ANK2: variants seen among roughly 807,000 people sequenced by gnomAD.
The protein encoded by ANK2 is ankyrin-2.
A neutral mutation model predicts 360.5 loss-of-function variants in ANK2; 83 were observed. That is an observed-to-expected ratio of 0.23 (90% confidence interval 0.19 to 0.28). ANK2 has a LOEUF of 0.28. Ranked by LOEUF, ANK2 falls within the 10% of genes least tolerant of loss-of-function variation. ANK2 has a pLI of 1.00. For synonymous variants in ANK2, 1,740 were observed against 1,759.5 expected, an observed-to-expected ratio of 0.99 and a Z score of 0.28; for missense variants, 4,201 against 4,795.7, an observed-to-expected ratio of 0.88 and a Z score of 3.66.
At chr4:113,282,038 A>C (rs1269023172) in intron 17 of ANK2, among the ~76,000 whole-genome samples, 2 of 152,216 alleles carry the variant, frequency 1.3e-5, no homozygotes, top group Non-Finnish European at 2.9e-5. Flanking sequence ...TATTCTAGGC[A>C]CTCAGTAATA....
chr4:112,829,914 G>A (rs1044054161), intron 1 of ANK2, among the ~76,000 whole-genome samples: 4 of 151,678 alleles, frequency 2.6e-5, no homozygotes, highest in Middle Eastern at 3.4e-3. Context: ...AGTGGAGATC[G>A]CGCCACTGCA....
At chr4:112,772,297 TA>T in the ANK2 span, among the ~76,000 whole-genome samples, 2 of 152,162 alleles carry the variant, frequency 1.3e-5, no homozygotes, top group African/African-American at 4.8e-5. Flanking sequence ...TTTCCCTTTA[TA>T]AAACCATCAG....
At chr4:113,284,040 G>A (rs568544482) in intron 18 of ANK2, among the ~76,000 whole-genome samples, 2 of 152,246 alleles carry the variant, frequency 1.3e-5, no homozygotes, top group South Asian at 2.1e-4. Flanking sequence ...CTGCCCTTAC[G>A]TACTTCTCTG....
intron 1 of ANK2, among the ~76,000 whole-genome samples, chr4:112,864,757 G>C (rs1321632069): frequency 1.3e-5 from 2 of 151,682 alleles, no homozygotes; most frequent in Non-Finnish European, 2.9e-5. Context: ...AACCAGCCGG[G>C]CGCGGTGGCT....
At chr4:113,291,148 T>C (rs1249840156) in intron 20 of ANK2, among the ~76,000 whole-genome samples, 2 of 152,250 alleles carry the variant, frequency 1.3e-5, no homozygotes, top group Non-Finnish European at 2.9e-5. Context: ...ACATAGTGTG[T>C]GATTAGTAAA....
chr4:112,989,755 G>C (rs2046122972), intron 2 of ANK2, among the ~76,000 whole-genome samples: 1 of 152,154 alleles, frequency 6.6e-6, no homozygotes, highest in Admixed American at 6.5e-5. Context: ...TGGTATGTAA[G>C]CCAATATATA....
intron 1 of ANK2, among the ~76,000 whole-genome samples, chr4:113,172,427 G>T (rs1583783658): frequency 6.6e-6 from 1 of 152,112 alleles, no homozygotes; most frequent in Non-Finnish European, 1.5e-5. Flanking sequence ...TAAATCTCAG[G>T]TCTTCCACTA....
chr4:113,088,461 A>G (rs2085997959), intron 1 of ANK2, among the ~76,000 whole-genome samples: 1 of 152,232 alleles, frequency 6.6e-6, no homozygotes, highest in African/African-American at 2.4e-5. Context: ...TTACCTATAT[A>G]AAGTGGACAT....
chr4:112,910,867 A>G (rs896205794), intron 2 of ANK2, among the ~76,000 whole-genome samples: 2 of 151,908 alleles, frequency 1.3e-5, no homozygotes, highest in African/African-American at 2.4e-5. Context: ...AGTTTTTAAT[A>G]CCCATTTGTG....
chr4:112,955,792 A>G (rs2095304443), intron 2 of ANK2, among the ~76,000 whole-genome samples: 1 of 152,208 alleles, frequency 6.6e-6, no homozygotes, highest in Admixed American at 6.5e-5. Flanking sequence ...AGGTAAAATG[A>G]AGGATTAGTA....
chr4:113,020,503 T>C (rs2057767545), intron 2 of ANK2, among the ~76,000 whole-genome samples: 1 of 152,114 alleles, frequency 6.6e-6, no homozygotes, highest in East Asian at 1.9e-4. Flanking sequence ...CCTGAGGCAG[T>C]CTTAACGATA....
chr4:113,301,776 T>G (rs1175236953), intron 22 of ANK2, among the ~76,000 whole-genome samples: 2 of 152,220 alleles, frequency 1.3e-5, no homozygotes, highest in Non-Finnish European at 2.9e-5. Context: ...GAAAAATCAC[T>G]GGTATGTCTT....
Position 113,367,685 on chromosome 4 carries a change from T to G in ANK2, c.11152T>G (p.Ser3718Ala). 5 of 1,614,020 alleles carry G rather than the reference T, an allele frequency of 3.1e-6. No individual in the cohort carries two copies. Among genetic ancestry groups the G allele is most frequent in the Non-Finnish European group, 3.4e-6 (4 of 1,180,006 alleles). ...TCCTATCGTCTCAGAGGAAGACATT[T>G]CTGTTGGTTATTCCACTTTTCAGGA... The part of the protein sequence containing the change: ...HPPIVSEEDI[S>A]VGYSTFQDGV... Residue 3718 changes from serine to alanine, a missense_variant, in exon 42 of 46, where the codon TCT becomes GCT. Ser to Ala is a moderately conservative substitution (Grantham distance 99). Coordinates refer to ENST00000357077, the MANE Select transcript of ANK2 (RefSeq NM_001148.6).
the ANK2 span, among the ~76,000 whole-genome samples, chr4:112,740,697 A>G: frequency 6.6e-5 from 10 of 151,748 alleles, no homozygotes; most frequent in African/African-American, 2.4e-4. Context: ...GCAAGACTCC[A>G]TCTCAAAAAA....
At chr4:113,235,473 G>A (rs188063806) in intron 5 of ANK2, among the ~76,000 whole-genome samples, 9 of 152,308 alleles carry the variant, frequency 5.9e-5, no homozygotes, top group Admixed American at 2.6e-4. Context: ...GGAAAAAAAT[G>A]GAGTAGTTAA....
At chr4:113,255,698 A>C in intron 10 of ANK2, 37 bp from the exon 11 acceptor site, 1 of 1,609,038 alleles carries the variant, frequency 6.2e-7, no homozygotes, top group Non-Finnish European at 8.5e-7. Context: ...TAATGAAAAA[A>C]AAAAAGGACA....
the ANK2 span, among the ~76,000 whole-genome samples, chr4:112,774,241 C>G: frequency 3.9e-5 from 6 of 152,042 alleles, no homozygotes; most frequent in African/African-American, 1.4e-4. Context: ...AAATAACTAA[C>G]TACCGCTGGG....
intron 23 of ANK2, among the ~76,000 whole-genome samples, chr4:113,303,254 A>G (rs1201245958): frequency 1.9e-4 from 29 of 152,214 alleles, no homozygotes; most frequent in East Asian, 5.8e-4. Flanking sequence ...GTGTTCTTCA[A>G]TTGAGAAATC....
chr4:112,739,543 G>A, the ANK2 span, among the ~76,000 whole-genome samples: 10 of 152,172 alleles, frequency 6.6e-5, no homozygotes, highest in African/African-American at 2.4e-4. Context: ...GAACCGGGGA[G>A]GCGGAGGTTG....
Sources: allele counts gnomAD v4.1 joint callset (sites outside exome capture counted in the v4.1 genomes callset), GRCh38; gene constraint gnomAD v4.1.1; transcripts MANE v1.5; gene names NCBI Gene and HGNC (gene_info 2026-07-23, HGNC 2026-07-21).